Variants in ANTXR1 observed in about 807,000 individuals in gnomAD.
ANTXR1 encodes ANTXR cell adhesion molecule 1.
A neutral mutation model predicts 78.1 loss-of-function variants in ANTXR1; 19 were observed. The observed-to-expected ratio is 0.24, with a 90% CI of 0.17 to 0.36. The LOEUF is 0.36. Among genes scored for constraint, ANTXR1 ranks in the 10% least tolerant of loss-of-function variants. ANTXR1 has a pLI of 1.00. For synonymous variants in ANTXR1, 273 were observed against 260.5 expected, an observed-to-expected ratio of 1.05 and a Z score of -0.46; for missense variants, 518 against 718.6, an observed-to-expected ratio of 0.72 and a Z score of 3.19.
intron 17 of ANTXR1, among the ~76,000 whole-genome samples, chr2:69,237,575 C>T (rs1216486374): frequency 6.6e-6 from 1 of 152,190 alleles, no homozygotes; most frequent in East Asian, 1.9e-4. Context: ...TAAAGGCACA[C>T]ACATCAGGCT....
At chr2:69,172,131 T>A (rs999720513) in intron 14 of ANTXR1, among the ~76,000 whole-genome samples, 2 of 152,200 alleles carry the variant, frequency 1.3e-5, no homozygotes, top group Admixed American at 1.3e-4. Flanking sequence ...AACATTCCCT[T>A]CCTGGAGTCT....
chr2:69,024,144 T>C (rs1671276419), intron 1 of ANTXR1, among the ~76,000 whole-genome samples: 4 of 152,140 alleles, frequency 2.6e-5, no homozygotes, highest in Admixed American at 2.6e-4. Context: ...GATGAGCCAC[T>C]GGCTGTGAGT....
chr2:69,076,586 C>T (rs1670738997), intron 7 of ANTXR1, among the ~76,000 whole-genome samples: 1 of 151,792 alleles, frequency 6.6e-6, no homozygotes, highest in Non-Finnish European at 1.5e-5. Context: ...CTAAAATAGA[C>T]ATTTGTATGT....
At chr2:69,199,962 A>G (rs1293610135) in intron 17 of ANTXR1, among the ~76,000 whole-genome samples, 1 of 152,156 alleles carries the variant, frequency 6.6e-6, no homozygotes, top group East Asian at 1.9e-4. Context: ...TGAGGCTGCC[A>G]TGTCATTGCT....
chr2:69,038,066 A>C (rs1371408570), intron 1 of ANTXR1, among the ~76,000 whole-genome samples: 1 of 152,102 alleles, frequency 6.6e-6, no homozygotes, highest in Non-Finnish European at 1.5e-5. Context: ...TCCTTCAAGA[A>C]TGGGATTAAA....
chr2:69,167,188 A>G (rs1309325774), intron 13 of ANTXR1, among the ~76,000 whole-genome samples: 2 of 152,248 alleles, frequency 1.3e-5, no homozygotes, highest in Non-Finnish European at 2.9e-5. Context: ...GTAAGGCCAC[A>G]TCATGTGGAA....
At chr2:69,112,553 A>G (rs937127708) in intron 10 of ANTXR1, among the ~76,000 whole-genome samples, 23 of 152,212 alleles carry the variant, frequency 1.5e-4, no homozygotes, top group Admixed American at 6.5e-5. Context: ...CTCCTTGCCA[A>G]AGGTCACAGG....
At chr2:69,158,987 T>C (rs554909185) in intron 13 of ANTXR1, among the ~76,000 whole-genome samples, 1 of 152,280 alleles carries the variant, frequency 6.6e-6, no homozygotes, top group African/African-American at 2.4e-5. Context: ...TTTGTGTATT[T>C]TCCAAATCAA....
At chr2:69,215,698 A>G (rs2104503903) in intron 17 of ANTXR1, among the ~76,000 whole-genome samples, 1 of 152,346 alleles carries the variant, frequency 6.6e-6, no homozygotes, top group African/African-American at 2.4e-5. Context: ...GTCTAGTAGA[A>G]TGCTGGCCCA....
intron 12 of ANTXR1, among the ~76,000 whole-genome samples, chr2:69,132,018 T>A (rs923489661): frequency 4.6e-5 from 7 of 152,028 alleles, no homozygotes; most frequent in African/African-American, 1.7e-4. Flanking sequence ...ACTAACTGGA[T>A]CAAGATTCTG....
chr2:69,077,181 A>C, intron 7 of ANTXR1: 1 of 590,232 alleles, frequency 1.7e-6, no homozygotes, highest in Non-Finnish European at 3.0e-6. Flanking sequence ...AAAGTATTGA[A>C]ACAAATGTAA....
At position 69,013,217 on chromosome 2, in the gene ANTXR1, G is replaced by A. The variant is rs892333782; in HGVS notation, c.-283G>A. 3 of 545,822 alleles carry A rather than the reference G, an allele frequency of 5.5e-6. No individual in the cohort carries two copies. Among genetic ancestry groups the A allele is most frequent in the East Asian group, 3.1e-5 (1 of 31,858 alleles). 33.8% of individuals were successfully genotyped at this position (545,822 alleles called of 1,614,324 possible). On this transcript the variant is annotated 5_prime_UTR_variant, in exon 1 of 18. Coordinates refer to ENST00000303714, the MANE Select transcript of ANTXR1 (RefSeq NM_032208.3). The surrounding 1 kb of genome is among the most constrained non-coding windows in gnomAD (Gnocchi z 5.0). ...CATTGCAAAAGCTCGGCGCGGCCTC[G>A]GGAGCTGCCCGGCGGCCCCGGACCG...
intron 17 of ANTXR1, among the ~76,000 whole-genome samples, chr2:69,239,322 A>G (rs1409344493): frequency 6.6e-6 from 1 of 152,140 alleles, no homozygotes; most frequent in Non-Finnish European, 1.5e-5. Context: ...TAATCCCAGC[A>G]CTTTGGGAGG....
intron 1 of ANTXR1, among the ~76,000 whole-genome samples, chr2:69,023,494 ATGG>A (rs1214196119): frequency 1.5e-5 from 2 of 130,666 alleles, no homozygotes; most frequent in Non-Finnish European, 3.1e-5. Flanking sequence ...TGATGGTGAT[ATGG>A]TGGTGGTGGT....
intron 17 of ANTXR1, among the ~76,000 whole-genome samples, chr2:69,234,150 G>A (rs1165742420): frequency 2.6e-5 from 4 of 152,254 alleles, no homozygotes; most frequent in African/African-American, 9.6e-5. Context: ...AAATAATAAA[G>A]ATAGACTTAT....
At chr2:69,226,329 C>T (rs1675452023) in intron 17 of ANTXR1, among the ~76,000 whole-genome samples, 1 of 152,128 alleles carries the variant, frequency 6.6e-6, no homozygotes. Flanking sequence ...GGATCTAGCT[C>T]AGAGAGACTC....
chr2:69,237,257 T>C (rs922270386), intron 17 of ANTXR1, among the ~76,000 whole-genome samples: 3 of 152,138 alleles, frequency 2.0e-5, no homozygotes, highest in Admixed American at 2.0e-4. Context: ...GTCAGCAAAA[T>C]GAATCAATTA....
intron 12 of ANTXR1, among the ~76,000 whole-genome samples, chr2:69,137,914 A>G (rs759957687): frequency 6.6e-6 from 1 of 151,708 alleles, no homozygotes; most frequent in African/African-American, 2.4e-5. Context: ...TGAAACCCCA[A>G]ATCTACTAAA....
chr2:69,091,118 T>TAA (rs199910182), intron 9 of ANTXR1, among the ~76,000 whole-genome samples, 199 bp downstream of exon 9: 12,113 of 138,828 alleles, frequency 0.087, 554 homozygotes, highest in Non-Finnish European at 0.1. Context: ...GTTTGGAAGT[T>TAA]AAAAAAAAAA....
Sources: gnomAD v4.1 joint callset for allele counts (sites outside exome capture counted in the v4.1 genomes callset) on GRCh38, gnomAD v4.1.1 for gene constraint, Gnocchi (gnomAD v3.1) non-coding constraint, MANE v1.5 for transcripts, NCBI Gene and HGNC (gene_info 2026-07-23, HGNC 2026-07-21) for gene names.